The following IFI44L variants were observed in gnomAD, a reference collection of about 807,000 sequenced individuals.
IFI44L encodes interferon-induced protein 44-like.
IFI44L carries 40 observed loss-of-function variants against 39.3 expected under a neutral mutation model. The observed-to-expected ratio is 1.02, with a 90% CI of 0.79 to 1.33. The LOEUF (loss-of-function observed/expected upper bound fraction) is 1.33. IFI44L is among the 40% of genes most tolerant of loss of function. IFI44L has a pLI of 0.00. For missense variants in IFI44L, 623 were observed against 549.0 expected, an observed-to-expected ratio of 1.13 and a Z score of -1.35; for synonymous variants, 198 against 182.3, an observed-to-expected ratio of 1.09 and a Z score of -0.69.
intron 1 of IFI44L, chr1:78,626,299 A>G (rs1485654317): frequency 1.3e-5 from 2 of 151,892 alleles, no homozygotes; most frequent in Non-Finnish European, 2.9e-5. Context: ...AAATCATTCA[A>G]TCTTACCTTT....
chr1:78,638,515 T>A (rs115065940), intron 6 of IFI44L, among the ~76,000 whole-genome samples: 2,547 of 152,250 alleles, frequency 0.017, 78 homozygotes, highest in African/African-American at 0.058. Flanking sequence ...ATCTATTTGC[T>A]CTTTATTTTT....
intron 6 of IFI44L, 124 bp from the exon 7 acceptor site, chr1:78,640,897 T>C (rs1039741288): frequency 7.9e-6 from 5 of 634,610 alleles, no homozygotes; most frequent in East Asian, 2.7e-5. Context: ...TTGAGATGTA[T>C]TGGGGATATT....
Position 78,628,338 on chromosome 1 carries a change from A to G in IFI44L, c.423A>G (p.Lys141=), listed in dbSNP as rs187592172. The change falls in exon 2 of 9, where the codon AAA becomes AAG. Residue 141 remains lysine (K), a synonymous_variant. Coordinates refer to ENST00000370751, the MANE Select transcript of IFI44L (RefSeq NM_006820.4). Reference sequence around the variant, plus strand: ...ATAAAATGATAACAAGAAACTTGAAACTAAGGTTTTATGGCCACCGTCAGT... The same window carrying G: ...ATAAAATGATAACAAGAAACTTGAAGCTAAGGTTTTATGGCCACCGTCAGT... ...YLDKMITRNL[K]LRFYGHRQYL... The G allele has an allele frequency of 3.1e-6, 5 of 1,597,896 alleles. No individual in the cohort carries two copies. The African/African-American group carries it at 5.4e-5, about 17-fold the overall frequency.
rs1191515356 is a variant in IFI44L, at chr1:78,628,941, T to C, written c.479-10T>C. The C allele has an allele frequency of 6.6e-7, 1 of 1,509,136 alleles. No individual in the cohort carries two copies. The highest frequency in any genetic ancestry group is 9.2e-7 in the Non-Finnish European group (1 of 1,089,370). The allele number at this position is 1,509,136 out of a possible 1,614,324, so 93.5% of individuals were successfully genotyped here. On this transcript the variant is annotated splice_polypyrimidine_tract_variant and intron_variant, in intron 2 of 8. Transcript: ENST00000370751. The stretch of plus-strand genomic sequence containing the variant: ...TTAAAAATGTATTATGCTATGTTTA[T>C]TTCCTATAGGAATTAAGGATAACCT...
At chr1:78,631,014 T>C (rs1197488731) in intron 4 of IFI44L, among the ~76,000 whole-genome samples, 1 of 152,154 alleles carries the variant, frequency 6.6e-6, no homozygotes, top group Non-Finnish European at 1.5e-5. Context: ...GTATCATTCA[T>C]TGTGATATAT....
rs1270975032 is a variant in IFI44L at position 78,635,007 on chromosome 1, T to TGA, written c.724-329_724-328insAG. 6.5e-5 allele frequency among the ~76,000 whole-genome samples: 5 copies of TGA among 76,494 alleles called. No individual in the cohort carries two copies. The East Asian group carries it at 2.2e-3, about 34-fold the overall frequency. 50.2% of individuals were successfully genotyped at this position (76,494 alleles called of 152,430 possible). A position where few individuals can be genotyped will look rare whatever the true frequency, so the allele number is the denominator to read the frequency against. On this transcript the variant is annotated intron_variant, in intron 4 of 8. Transcript: ENST00000370751. ...ACCATTATATATATATATATGTGTG[T>TGA]GTGTGTGTGTGTGTATGTGTATATA...
chr1:78,637,644 G>A (rs1461921106), intron 6 of IFI44L, among the ~76,000 whole-genome samples: 4 of 151,752 alleles, frequency 2.6e-5, no homozygotes, highest in Non-Finnish European at 5.9e-5. Context: ...CTTAACTCTT[G>A]GCAACCACTA....
At chr1:78,624,153 A>AATTTTTGT (rs1165033545) in intron 1 of IFI44L, among the ~76,000 whole-genome samples, 19 of 151,746 alleles carry the variant, frequency 1.3e-4, no homozygotes, top group African/African-American at 4.1e-4. Flanking sequence ...CACCACACCC[A>AATTTTTGT]ATTTTTGTAT....
rs888536186 is a variant in IFI44L, at chr1:78,636,829, G to GT, written c.877-195dup. 76 of 458,284 alleles carry GT rather than the reference G, an allele frequency of 1.7e-4. No individual in the cohort carries two copies. In the Middle Eastern group the frequency reaches 3.3e-3, roughly 20 times the overall value. The allele number at this position is 458,284 out of a possible 1,614,324, so 28.4% of individuals were successfully genotyped here. Reference sequence around the variant, plus strand: ...ATCATTTTTACCAAAGCAATAAAGTGTTTTTTTTCCTATAAGAGAGATATA... The same window carrying GT: ...ATCATTTTTACCAAAGCAATAAAGTGTTTTTTTTTCCTATAAGAGAGATATA... On this transcript the variant is annotated intron_variant, in intron 5 of 8. Coordinates refer to ENST00000370751, the MANE Select transcript of IFI44L (RefSeq NM_006820.4).
rs1454553466 is a variant in IFI44L at position 78,637,046 on chromosome 1, A to T, written c.891A>T (p.Lys297Asn). 6.2e-7 allele frequency: 1 copy of T among 1,610,776 alleles called. No homozygotes were observed. The highest frequency in any genetic ancestry group is 1.7e-5 in the Admixed American group (1 of 59,880). ...TTTTATAACAGTTTAATTCCCGTAA[A>T]CCAATTACACCTGAGCATTCTACTT... ...MPDRYQFNSR[K>N]PITPEHSTFI... Residue 297 changes from lysine (K) to asparagine (N), a missense_variant, in exon 6 of 9, where the codon AAA becomes AAT. By Grantham distance (94) the Lys-to-Asn change is moderately conservative (BLOSUM62 0). Transcript: ENST00000370751.
intron 4 of IFI44L, among the ~76,000 whole-genome samples, chr1:78,631,188 G>A (rs1258968724): frequency 1.3e-5 from 2 of 152,210 alleles, no homozygotes; most frequent in East Asian, 1.9e-4. Flanking sequence ...GAGGGAAATT[G>A]AATATTTTAT....
chr1:78,623,395 TG>T (rs1357186929), intron 1 of IFI44L, among the ~76,000 whole-genome samples: 565 of 42,396 alleles, frequency 0.013, 11 homozygotes, highest in African/African-American at 0.032. Context: ...AAGTGTTTTT[TG>T]TTTTTTTTTT....
At chr1:78,625,744 T>G (rs1652460764) in intron 1 of IFI44L, 1 of 152,012 alleles carries the variant, frequency 6.6e-6, no homozygotes, top group Non-Finnish European at 1.5e-5. Flanking sequence ...TATAATTAAT[T>G]TTCAGCCTTT....
chr1:78,628,703 A>C (rs1306079901), intron 2 of IFI44L: 1 of 516,072 alleles, frequency 1.9e-6, no homozygotes, highest in African/African-American at 1.9e-5. Flanking sequence ...ATATGACCCA[A>C]AGATCAGACC....
rs1260792655 is a variant in IFI44L, at chr1:78,644,330, A to G, written c.*2521A>G. Reference sequence around the variant, plus strand: ...GATCAAGAGAGAGAAACAATGAGGAACATTTCATTTGACCCAACATCCTTT... The same window carrying G: ...GATCAAGAGAGAGAAACAATGAGGAGCATTTCATTTGACCCAACATCCTTT... On this transcript the variant is annotated 3_prime_UTR_variant, in exon 9 of 9. Transcript: ENST00000370751. 1.3e-5 allele frequency: 2 copies of G among 152,202 alleles called. No individual in the cohort carries two copies. The highest frequency in any genetic ancestry group is 2.9e-5 in the Non-Finnish European group (2 of 68,040). 9.4% of individuals were successfully genotyped at this position (152,202 alleles called of 1,614,324 possible). A position where few individuals can be genotyped will look rare whatever the true frequency, so the allele number is the denominator to read the frequency against.
intron 1 of IFI44L, chr1:78,626,278 C>T (rs1652483193): frequency 6.6e-6 from 1 of 151,804 alleles, no homozygotes; most frequent in Non-Finnish European, 1.5e-5. Context: ...TTATTGTATT[C>T]ATTTTACTGT....
At chr1:78,635,716 A>G (rs911029860) in intron 5 of IFI44L, 18 of 528,402 alleles carry the variant, frequency 3.4e-5, no homozygotes, top group African/African-American at 3.3e-4. Flanking sequence ...ACTCATTTGC[A>G]TTCTAGTAAA....
At chr1:78,640,997 A>G in intron 6 of IFI44L, 24 bp from the exon 7 acceptor site, 2 of 1,496,260 alleles carry the variant, frequency 1.3e-6, no homozygotes, top group Non-Finnish European at 1.9e-6. Flanking sequence ...GATATAAAAT[A>G]ACTGATTTAT....
At chr1:78,632,509 T>A (rs1652786151) in intron 4 of IFI44L, among the ~76,000 whole-genome samples, 1 of 152,124 alleles carries the variant, frequency 6.6e-6, no homozygotes, top group Non-Finnish European at 1.5e-5. Context: ...CATGCATGAG[T>A]AAAGGATATA....
Sources: allele counts gnomAD v4.1 joint callset (sites outside exome capture counted in the v4.1 genomes callset), GRCh38; gene constraint gnomAD v4.1.1; transcripts MANE v1.5; gene names NCBI Gene and HGNC (gene_info 2026-07-23, HGNC 2026-07-21).